The following SCFD2 variants were observed in gnomAD, a reference collection of about 807,000 sequenced individuals.
SCFD2 encodes sec1 family domain containing 2.
SCFD2 carries 54 observed loss-of-function variants against 58.9 expected under a neutral mutation model. That is an observed-to-expected ratio of 0.92 (90% CI 0.74 to 1.15). The LOEUF (loss-of-function observed/expected upper bound fraction) is 1.15. Ranked by LOEUF, SCFD2 falls within the 50% of genes most tolerant of loss-of-function variation. SCFD2 has a pLI of 0.00. For missense variants in SCFD2, 805 were observed against 836.6 expected (o/e 0.96, Z 0.47); for synonymous variants, 321 against 335.9 (o/e 0.96, Z 0.49).
At chr4:53,151,342 C>A (rs544863527) in intron 4 of SCFD2, among the ~76,000 whole-genome samples, 99 of 152,316 alleles carry the variant, frequency 6.5e-4, no homozygotes, top group African/African-American at 2.3e-3. Context: ...GGCTTACTAG[C>A]AGGAGGTAGA....
chr4:53,103,794 ATGGGGTAGGGGATGGGAG>A, intron 5 of SCFD2, among the ~76,000 whole-genome samples: 1 of 122,652 alleles, frequency 8.2e-6, no homozygotes, highest in African/African-American at 2.8e-5. Context: ...AAAAAAAGGC[ATGGGGTAGGGGATGGGAG>A]AAAAGAAAAA....
intron 4 of SCFD2, among the ~76,000 whole-genome samples, chr4:53,172,868 T>C (rs1339201266): frequency 6.6e-6 from 1 of 152,202 alleles, no homozygotes; most frequent in African/African-American, 2.4e-5. Context: ...TGGTCTAAAG[T>C]GTAGTTCAAG....
At chr4:53,346,488 G>A (rs1010697528) in intron 2 of SCFD2, among the ~76,000 whole-genome samples, 12 of 151,856 alleles carry the variant, frequency 7.9e-5, no homozygotes, top group Admixed American at 2.0e-4. Flanking sequence ...TGGTTAGGCT[G>A]GTCTCAAACT....
intron 5 of SCFD2, among the ~76,000 whole-genome samples, chr4:53,119,035 T>C (rs1725401405): frequency 6.6e-6 from 1 of 152,114 alleles, no homozygotes; most frequent in Non-Finnish European, 1.5e-5. Context: ...ATCAAGTTTC[T>C]GTCTGGGCAC....
chr4:53,239,397 T>TGAGACG (rs1729812152), intron 4 of SCFD2, among the ~76,000 whole-genome samples: 1 of 96,664 alleles, frequency 1.0e-5, no homozygotes, highest in Non-Finnish European at 2.0e-5. Flanking sequence ...GTGGGGAGAG[T>TGAGACG]GAGAGGGAGA....
In SCFD2 at chr4:53,365,204, G is replaced by T. The variant is rs1734659101; in HGVS notation, c.738C>A (p.Ile246=). ...GGGCATAATTGGCCAGATCCGCAGC[G>T]ATGACCTGACTTAAGGAACCTACAG... ...CFAVGSLSQV[I]AADLANYAPA... The change falls in exon 1 of 9, where the codon ATC becomes ATA. Residue 246 remains isoleucine, a synonymous_variant. Coordinates refer to ENST00000401642, the MANE Select transcript of SCFD2 (RefSeq NM_152540.4). The surrounding 1 kb of genome is among the most constrained non-coding windows in gnomAD (Gnocchi z 4.3). 6.2e-7 allele frequency: 1 copy of T among 1,614,136 alleles called. No individual in the cohort carries two copies. Among genetic ancestry groups the T allele is most frequent in the South Asian group, 1.1e-5 (1 of 91,080 alleles).
intron 5 of SCFD2, among the ~76,000 whole-genome samples, chr4:53,060,415 T>C (rs147381973): frequency 0.015 from 2,264 of 152,254 alleles, 56 homozygotes; most frequent in African/African-American, 0.052. Flanking sequence ...AACAGAAATG[T>C]CCTCAAGAGG....
chr4:52,897,679 T>G (rs1052553001), intron 7 of SCFD2, among the ~76,000 whole-genome samples: 3 of 152,198 alleles, frequency 2.0e-5, no homozygotes, highest in Admixed American at 1.3e-4. Context: ...TAAAATGAGT[T>G]AGGGAGGATT....
At chr4:53,019,689 C>T (rs1323463304) in intron 5 of SCFD2, among the ~76,000 whole-genome samples, 1 of 152,104 alleles carries the variant, frequency 6.6e-6, no homozygotes, top group Non-Finnish European at 1.5e-5. Flanking sequence ...AAAAAATCAC[C>T]TCCAAACAGA....
At chr4:53,170,758 T>C (rs1428230011) in intron 4 of SCFD2, among the ~76,000 whole-genome samples, 8 of 152,200 alleles carry the variant, frequency 5.3e-5, no homozygotes, top group African/African-American at 1.9e-4. Flanking sequence ...CATTCTTGGA[T>C]AAAATTATTC....
chr4:52,992,050 C>A (rs1297648013), intron 5 of SCFD2, among the ~76,000 whole-genome samples: 1 of 152,172 alleles, frequency 6.6e-6, no homozygotes, highest in Non-Finnish European at 1.5e-5. Context: ...CAGTCTCCCT[C>A]TCCCCACGGT....
chr4:53,251,047 G>T (rs1344314019), intron 4 of SCFD2, among the ~76,000 whole-genome samples: 2 of 152,016 alleles, frequency 1.3e-5, no homozygotes, highest in Non-Finnish European at 2.9e-5. Context: ...ATGACAATGG[G>T]GATATCACCA....
chr4:53,192,135 C>T (rs1001732762), intron 4 of SCFD2, among the ~76,000 whole-genome samples: 25 of 152,184 alleles, frequency 1.6e-4, no homozygotes, highest in East Asian at 1.5e-3. Flanking sequence ...TAAGCAACAC[C>T]GAAGTTGAAC....
In SCFD2 at chr4:53,171,498, C is replaced by T. The variant is rs142863694; in HGVS notation, c.1312-25916G>A. ...TATTCTCTTTCCTGGTAATTTCCTT[C>T]TCTGGCTTTGGTACCAAGATACGAG... On this transcript the variant is annotated intron_variant, in intron 4 of 8. Coordinates refer to ENST00000401642, the MANE Select transcript of SCFD2 (RefSeq NM_152540.4). Among the ~76,000 whole-genome samples the T allele has an allele frequency of 5.2e-3, 794 of 152,280 alleles. 6 individuals carry two copies. The highest frequency in any genetic ancestry group is 8.4e-3 in the Non-Finnish European group (574 of 68,020).
intron 5 of SCFD2, among the ~76,000 whole-genome samples, chr4:53,048,522 G>C (rs1449637560): frequency 2.0e-5 from 3 of 152,152 alleles, no homozygotes; most frequent in Non-Finnish European, 2.9e-5. Context: ...GATCCCTTGA[G>C]CCCAGGAGTT....
chr4:53,247,600 C>A (rs1730135089), intron 4 of SCFD2, among the ~76,000 whole-genome samples: 1 of 152,182 alleles, frequency 6.6e-6, no homozygotes, highest in East Asian at 1.9e-4. Context: ...TGGCTCACGC[C>A]TGTAATCCCA....
rs762323885 is a variant in SCFD2 at position 52,885,835 on chromosome 4, AG to A, written c.1873del (p.Leu625SerfsTer2). 6.8e-6 allele frequency: 11 copies of A among 1,614,094 alleles called. No homozygotes were observed. In the East Asian group the frequency reaches 2.0e-4, roughly 29 times the overall value. On this transcript the variant is annotated frameshift_variant, in exon 8 of 9. Coordinates refer to ENST00000401642, the MANE Select transcript of SCFD2 (RefSeq NM_152540.4). LOFTEE classifies it high-confidence loss of function. Reference protein sequence around the residue: ...VSRPHPSDYPLLILFVVGGVT... With the variant: ...VSRPHPSDYPXLILFVVGGVT... Reference sequence around the variant, plus strand: ...CCCACCTACCACAAAGAGGATCAGGAGGGGGTAGTCACTAGGATGAGGCCGG... The same window carrying A: ...CCCACCTACCACAAAGAGGATCAGGAGGGGTAGTCACTAGGATGAGGCCGG...
intron 4 of SCFD2, among the ~76,000 whole-genome samples, chr4:53,179,303 C>T (rs944374743): frequency 1.2e-4 from 18 of 152,084 alleles, no homozygotes; most frequent in Admixed American, 3.9e-4. Flanking sequence ...GCTGATCGCT[C>T]GGCAGAAACT....
chr4:53,002,225 T>C (rs1375033134), intron 5 of SCFD2, among the ~76,000 whole-genome samples: 1 of 152,122 alleles, frequency 6.6e-6, no homozygotes, highest in Non-Finnish European at 1.5e-5. Context: ...GCATAATAAA[T>C]AATCATGACT....
Sources: allele counts gnomAD v4.1 joint callset (sites outside exome capture counted in the v4.1 genomes callset), GRCh38; gene constraint gnomAD v4.1.1; non-coding constraint Gnocchi (gnomAD v3.1); transcripts MANE v1.5; gene names NCBI Gene and HGNC (gene_info 2026-07-23, HGNC 2026-07-21).